AKAIN1: variants seen among roughly 807,000 people sequenced by gnomAD.
AKAIN1 encodes the protein A-kinase anchor inhibitor 1, also known as A-kinase anchor protein inhibitor 1.
A neutral mutation model predicts 3.7 loss-of-function variants in AKAIN1; 3 were observed. That is an observed-to-expected ratio of 0.82 (90% CI 0.37 to 2.12). The LOEUF (loss-of-function observed/expected upper bound fraction) is 2.12. Ranked by LOEUF, AKAIN1 falls within the 30% of genes most tolerant of loss-of-function variation. The pLI, the probability that AKAIN1 is intolerant of heterozygous loss-of-function variation, is 0.06. For missense variants in AKAIN1, 82 were observed against 82.7 expected, an observed-to-expected ratio of 0.99 and a Z score of 0.03; for synonymous variants, 31 against 30.8, an observed-to-expected ratio of 1.01 and a Z score of -0.02.
At chr18:5,161,102 G>A (rs938226606) in intron 1 of AKAIN1, among the ~76,000 whole-genome samples, 7 of 151,950 alleles carry the variant, frequency 4.6e-5, no homozygotes, top group African/African-American at 1.7e-4. Context: ...TTGGGATTTT[G>A]GCTGGGACTC....
At chr18:5,183,582 T>A (rs1010977392) in intron 1 of AKAIN1, among the ~76,000 whole-genome samples, 21 of 150,974 alleles carry the variant, frequency 1.4e-4, no homozygotes, top group African/African-American at 3.2e-4. Context: ...AAGCAAAATT[T>A]AAAAAAAAAC....
At chr18:5,178,366 C>A (rs2071237939) in intron 1 of AKAIN1, among the ~76,000 whole-genome samples, 1 of 151,788 alleles carries the variant, frequency 6.6e-6, no homozygotes, top group Admixed American at 6.6e-5. Flanking sequence ...ATAGCAAGAC[C>A]CCATCTCAAA....
chr18:5,161,817 G>A (rs917909044), intron 1 of AKAIN1, among the ~76,000 whole-genome samples: 1 of 151,960 alleles, frequency 6.6e-6, no homozygotes, highest in African/African-American at 2.4e-5. Context: ...TATTAATATT[G>A]CAAAGCACAC....
chr18:5,160,019 G>T (rs9956478), intron 1 of AKAIN1, among the ~76,000 whole-genome samples: 3,523 of 152,180 alleles, frequency 0.023, 137 homozygotes, highest in African/African-American at 0.078. Context: ...ATAGAATTTG[G>T]CTTGATTCCA....
chr18:5,158,889 A>G (rs1201989770), intron 1 of AKAIN1, among the ~76,000 whole-genome samples: 2 of 152,224 alleles, frequency 1.3e-5, no homozygotes, highest in East Asian at 3.9e-4. Context: ...CAACTAAACT[A>G]CAAAATACAG....
intron 1 of AKAIN1, among the ~76,000 whole-genome samples, chr18:5,186,966 G>T (rs2071291073): frequency 1.3e-5 from 2 of 151,826 alleles, no homozygotes; most frequent in Non-Finnish European, 2.9e-5. Flanking sequence ...AGGTTTCAAG[G>T]GAAATTAGAA....
chr18:5,196,484 G>C (rs2071348306), intron 1 of AKAIN1, among the ~76,000 whole-genome samples: 2 of 152,268 alleles, frequency 1.3e-5, no homozygotes, highest in Non-Finnish European at 2.9e-5. Flanking sequence ...AGCTGCCTCT[G>C]TGCTGCAGCC....
intron 1 of AKAIN1, among the ~76,000 whole-genome samples, chr18:5,175,984 C>T (rs2071224026): frequency 6.6e-6 from 1 of 152,044 alleles, no homozygotes; most frequent in Non-Finnish European, 1.5e-5. Flanking sequence ...ATGGACCCTG[C>T]AAATTATGTA....
chr18:5,165,842 T>C (rs2071164889), intron 1 of AKAIN1, among the ~76,000 whole-genome samples: 1 of 152,008 alleles, frequency 6.6e-6, no homozygotes, highest in Admixed American at 6.6e-5. Flanking sequence ...TGCCCACTGA[T>C]TGCAGTGAAA....
chr18:5,184,011 T>A (rs775560740), intron 1 of AKAIN1, among the ~76,000 whole-genome samples: 6 of 151,986 alleles, frequency 3.9e-5, no homozygotes, highest in Non-Finnish European at 5.9e-5. Context: ...TTTTAAACAG[T>A]GAAATCACTA....
Position 5,194,884 on chromosome 18 carries a change from C to T in AKAIN1, c.16+2154G>A, listed in dbSNP as rs181494253. On this transcript the variant is annotated intron_variant, in intron 1 of 1. Transcript: ENST00000434239. ...GGGAGTGTATTTCCTTTAACTAGTA[C>T]AAAACATCTGGATTCCCAGATTATT... 3.9e-3 allele frequency among the ~76,000 whole-genome samples: 589 copies of T among 152,200 alleles called. 3 individuals carry two copies. The highest frequency in any genetic ancestry group is 0.014 in the African/African-American group (561 of 41,516).
chr18:5,167,920 A>C (rs1468522146), intron 1 of AKAIN1, among the ~76,000 whole-genome samples: 1 of 152,100 alleles, frequency 6.6e-6, no homozygotes, highest in African/African-American at 2.4e-5. Flanking sequence ...GAACATTTTC[A>C]TGAATTATCT....
intron 1 of AKAIN1, among the ~76,000 whole-genome samples, chr18:5,149,533 T>C (rs141606832): frequency 2.0e-5 from 3 of 152,348 alleles, no homozygotes; most frequent in Non-Finnish European, 4.4e-5. Flanking sequence ...TCCTCTGCCA[T>C]GAGCGAGCCT....
At chr18:5,170,854 A>G (rs1711917918) in intron 1 of AKAIN1, 1 of 152,116 alleles carries the variant, frequency 6.6e-6, no homozygotes, top group Non-Finnish European at 1.5e-5. Context: ...AACAGATGCA[A>G]GGAGACCTAG....
chr18:5,163,875 G>A (rs1302631853), intron 1 of AKAIN1: 2 of 152,054 alleles, frequency 1.3e-5, no homozygotes, highest in Non-Finnish European at 2.9e-5. Context: ...GTGTTCAGAA[G>A]GCTGAACAAT....
At chr18:5,163,436 T>A (rs1275619931) in intron 1 of AKAIN1, among the ~76,000 whole-genome samples, 1 of 152,014 alleles carries the variant, frequency 6.6e-6, no homozygotes, top group South Asian at 2.1e-4. Flanking sequence ...AGCACCCAGG[T>A]TCGTGTGCAA....
chr18:5,190,381 G>A (rs986063682), intron 1 of AKAIN1, among the ~76,000 whole-genome samples: 2 of 152,054 alleles, frequency 1.3e-5, no homozygotes, highest in Non-Finnish European at 2.9e-5. Context: ...CAAATTAAAT[G>A]AAATAAGCAA....
chr18:5,197,506 A>AAAAAAAAAAAT, upstream of AKAIN1: 1 of 1,219,820 alleles, frequency 8.2e-7, no homozygotes, highest in Non-Finnish European at 1.0e-6. The surrounding 1 kb of genome is among the most constrained non-coding windows in gnomAD (Gnocchi z 6.9). Context: ...AGATTTGTCA[A>AAAAAAAAAAAT]AAAAAAAAAA....
chr18:5,146,229 G>A (rs185888461), intron 1 of AKAIN1, among the ~76,000 whole-genome samples: 128 of 152,064 alleles, frequency 8.4e-4, no homozygotes, highest in Non-Finnish European at 1.6e-3. Flanking sequence ...TTGCCCTTTC[G>A]CACCTTCCCC....
Sources: allele counts gnomAD v4.1 joint callset (sites outside exome capture counted in the v4.1 genomes callset), GRCh38; gene constraint gnomAD v4.1.1; non-coding constraint Gnocchi (gnomAD v3.1); transcripts MANE v1.5; gene names NCBI Gene and HGNC (gene_info 2026-07-23, HGNC 2026-07-21).